Variants in ABI3BP observed in about 807,000 individuals in gnomAD.
ABI3BP encodes ABI family member 3 binding protein, also known as target of Nesh-SH3.
A neutral mutation model predicts 268.6 loss-of-function variants in ABI3BP; 216 were observed. The ratio of observed to expected loss-of-function variants is 0.80; its 90% CI spans 0.72 to 0.90. ABI3BP has a LOEUF of 0.90. ABI3BP is among the 40% of genes least tolerant of loss of function. The pLI is 0.00. For synonymous variants in ABI3BP, 730 were observed against 730.0 expected, an observed-to-expected ratio of 1.00 and a Z score of 0.00; for missense variants, 2,090 against 2,182.4, an observed-to-expected ratio of 0.96 and a Z score of 0.84.
At chr3:100,886,817 C>T (rs767042295) in intron 4 of ABI3BP, among the ~76,000 whole-genome samples, 1 of 151,858 alleles carries the variant, frequency 6.6e-6, no homozygotes, top group Non-Finnish European at 1.5e-5. Flanking sequence ...TTCAGTACTG[C>T]ATTTTAAGGT....
At chr3:100,922,523 CGATGGT>C (rs74793509) in intron 2 of ABI3BP, among the ~76,000 whole-genome samples, 3,517 of 148,678 alleles carry the variant, frequency 0.024, 112 homozygotes, top group East Asian at 0.092. Context: ...TGATGTGATG[CGATGGT>C]GATGGTGATG....
At chr3:100,811,103 A>G in intron 48 of ABI3BP, 127 bp downstream of exon 48, 1 of 737,650 alleles carries the variant, frequency 1.4e-6, no homozygotes, top group Non-Finnish European at 2.1e-6. Flanking sequence ...CCTTGAAAGA[A>G]AAGTAACTGC....
chr3:100,916,602 C>T (rs1263156560), intron 2 of ABI3BP, among the ~76,000 whole-genome samples: 1 of 152,154 alleles, frequency 6.6e-6, no homozygotes, highest in Non-Finnish European at 1.5e-5. Flanking sequence ...GATTTAATAA[C>T]CCATTTCCAT....
chr3:100,960,889 C>T (rs1304800876), intron 1 of ABI3BP, among the ~76,000 whole-genome samples: 2 of 152,180 alleles, frequency 1.3e-5, no homozygotes, highest in African/African-American at 4.8e-5. Context: ...CACAACACCC[C>T]ACCCTCCAGA....
At chr3:100,862,167 G>A (rs1580950952) in intron 14 of ABI3BP, 144 bp downstream of exon 14, 3 of 626,298 alleles carry the variant, frequency 4.8e-6, no homozygotes. Flanking sequence ...GGAAAATGAG[G>A]TTCATCTCAG....
intron 27 of ABI3BP, among the ~76,000 whole-genome samples, chr3:100,836,844 G>T (rs1189963241): frequency 6.6e-6 from 1 of 152,076 alleles, no homozygotes; most frequent in African/African-American, 2.4e-5. Context: ...AAAATTTTCT[G>T]GTTTGAAAGA....
chr3:100,789,261 C>T lies in ABI3BP; in HGVS notation c.4087+193G>A, dbSNP rs150202484. The stretch of plus-strand genomic sequence containing the variant: ...ATAGTGATCTCTGCATCTGATTATC[C>T]TCAAAATCCTTAGTCAAGTCTTGTC... On this transcript the variant is annotated intron_variant, in intron 56 of 67. Coordinates refer to ENST00000471714, the MANE Select transcript of ABI3BP (RefSeq NM_001375547.2). Among the ~76,000 whole-genome samples the T allele has an allele frequency of 3.5e-3, 534 of 152,122 alleles. 5 individuals are homozygous for T. The highest frequency in any genetic ancestry group is 5.3e-3 in the Non-Finnish European group (359 of 67,974).
At chr3:100,821,165 C>G in intron 38 of ABI3BP, 52 bp from the exon 39 acceptor site, 1 of 1,468,444 alleles carries the variant, frequency 6.8e-7, no homozygotes, top group African/African-American at 1.4e-5. Context: ...TGAATGTAAA[C>G]TCAAAACTTT....
Position 100,803,352 on chromosome 3 carries a change from G to A in ABI3BP, c.3757+1440C>T, listed in dbSNP as rs539810400. Among the ~76,000 whole-genome samples the A allele has an allele frequency of 2.0e-3, 287 of 141,614 alleles. 15 individuals are homozygous for A. The highest frequency in any genetic ancestry group is 6.6e-3 in the African/African-American group (264 of 40,210). 92.9% of individuals were successfully genotyped at this position (141,614 alleles called of 152,430 possible). ...TTTTTTTTTCTGCCAAAAGTGGTCCGCTCTTTATAACTTAGCTGTGGGAGA... is the reference window on the plus strand; with the variant it reads ...TTTTTTTTTCTGCCAAAAGTGGTCCACTCTTTATAACTTAGCTGTGGGAGA... On this transcript the variant is annotated intron_variant, in intron 51 of 67. Coordinates refer to ENST00000471714, the MANE Select transcript of ABI3BP (RefSeq NM_001375547.2).
At chr3:100,896,032 G>A (rs1366640653) in intron 4 of ABI3BP, among the ~76,000 whole-genome samples, 1 of 152,166 alleles carries the variant, frequency 6.6e-6, no homozygotes, top group Non-Finnish European at 1.5e-5. Context: ...CTCCTTTTTA[G>A]TCATTACTGT....
At chr3:100,783,357 A>G (rs1370414056) in intron 57 of ABI3BP, among the ~76,000 whole-genome samples, 1 of 152,116 alleles carries the variant, frequency 6.6e-6, no homozygotes, top group Non-Finnish European at 1.5e-5. Flanking sequence ...GGGTGTAGAG[A>G]AAGGAGTCTA....
intron 34 of ABI3BP, 104 bp downstream of exon 34, chr3:100,828,289 C>G: frequency 9.5e-7 from 1 of 1,052,542 alleles, no homozygotes; most frequent in South Asian, 1.5e-5. Context: ...TATGCATGTT[C>G]AACCGTTACA....
intron 1 of ABI3BP, among the ~76,000 whole-genome samples, chr3:100,927,437 T>A (rs1263014451): frequency 6.6e-6 from 1 of 152,172 alleles, no homozygotes; most frequent in Non-Finnish European, 1.5e-5. Context: ...TTACAAAGGT[T>A]AGTGTATTAG....
chr3:100,873,387 T>G (rs1437517779), intron 9 of ABI3BP, among the ~76,000 whole-genome samples: 1 of 152,090 alleles, frequency 6.6e-6, no homozygotes, highest in Non-Finnish European at 1.5e-5. Context: ...GGTACCTCAT[T>G]AGATTTGATG....
chr3:100,878,374 T>C (rs377071703), intron 6 of ABI3BP, among the ~76,000 whole-genome samples: 2 of 152,230 alleles, frequency 1.3e-5, no homozygotes, highest in East Asian at 3.8e-4. Context: ...TTTGTGCACC[T>C]TTCTATATTT....
intron 35 of ABI3BP, among the ~76,000 whole-genome samples, chr3:100,825,184 T>G (rs770024326): frequency 1.2e-4 from 18 of 152,144 alleles, no homozygotes; most frequent in Non-Finnish European, 2.6e-4. Flanking sequence ...ATTGAGAAAC[T>G]TATAGAACTT....
chr3:100,782,289 C>T (rs531399386), intron 57 of ABI3BP, among the ~76,000 whole-genome samples: 1 of 152,216 alleles, frequency 6.6e-6, no homozygotes, highest in Admixed American at 6.5e-5. Flanking sequence ...GAAGAGAATC[C>T]AAATTTTGCA....
In ABI3BP at chr3:100,844,478, C is replaced by G. The variant is rs1030438956; in HGVS notation, c.1723+1894G>C. ...CCAAGCAAAGCCAAAGGAAAAGGAG[C>G]CTGTAAAGGAAAGTGAAACAGAAAA... On this transcript the variant is annotated intron_variant, in intron 20 of 67. Transcript: ENST00000471714. The G allele has an allele frequency of 3.0e-6, 3 of 984,400 alleles. No individual in the cohort carries two copies. In the African/African-American group the frequency reaches 5.2e-5, roughly 17 times the overall value. 61.0% of individuals were successfully genotyped at this position (984,400 alleles called of 1,614,324 possible). A position where few individuals can be genotyped will look rare whatever the true frequency, so the allele number is the denominator to read the frequency against.
intron 38 of ABI3BP, among the ~76,000 whole-genome samples, chr3:100,821,597 C>CTTTTTTTT (rs369631203): frequency 1.7e-5 from 2 of 119,136 alleles, no homozygotes; most frequent in Non-Finnish European, 3.4e-5. Flanking sequence ...TGAAGTAAGA[C>CTTTTTTTT]TTTTTTTTTT....
Sources: allele counts gnomAD v4.1 joint callset (sites outside exome capture counted in the v4.1 genomes callset), GRCh38; gene constraint gnomAD v4.1.1; transcripts MANE v1.5; gene names NCBI Gene and HGNC (gene_info 2026-07-23, HGNC 2026-07-21).